The following ATP6V1C2 variants were observed in gnomAD, a reference collection of about 807,000 sequenced individuals.
ATP6V1C2 encodes ATPase H+ transporting V1 subunit C2.
In ATP6V1C2, 45 loss-of-function variants were observed where a neutral mutation model predicts 56.8. The ratio of observed to expected loss-of-function variants is 0.79; its 90% CI spans 0.62 to 1.02. ATP6V1C2 has a LOEUF of 1.02. ATP6V1C2 is among the 50% of genes least tolerant of loss of function. The pLI is 0.00. For missense variants in ATP6V1C2, 463 were observed against 519.7 expected, an observed-to-expected ratio of 0.89 and a Z score of 1.06; for synonymous variants, 220 against 201.3, an observed-to-expected ratio of 1.09 and a Z score of -0.79.
chr2:10,754,982 C>T (rs1373930616), intron 4 of ATP6V1C2, among the ~76,000 whole-genome samples: 1 of 152,002 alleles, frequency 6.6e-6, no homozygotes, highest in African/African-American at 2.4e-5. Flanking sequence ...GTCCTCCCAC[C>T]TCAGCCTCTC....
intron 12 of ATP6V1C2, among the ~76,000 whole-genome samples, chr2:10,779,160 A>C (rs1449021671): frequency 1.3e-5 from 2 of 151,548 alleles, no homozygotes. Context: ...GCTAGAGTGC[A>C]ATGGCATGTT....
chr2:10,775,131 T>C, intron 10 of ATP6V1C2, 60 bp downstream of exon 10: 3 of 1,259,436 alleles, frequency 2.4e-6, no homozygotes, highest in South Asian at 1.2e-5. Flanking sequence ...GATAGAAGAG[T>C]CCTCCCAGGT....
chr2:10,782,428 C>CA (rs1665422367), intron 13 of ATP6V1C2, 53 bp downstream of exon 13: 20 of 1,590,434 alleles, frequency 1.3e-5, no homozygotes, highest in Admixed American at 5.2e-5. Context: ...ATCTTACTTT[C>CA]AAAAAACTGG....
intron 2 of ATP6V1C2, 149 bp from the exon 3 acceptor site, chr2:10,726,351 TCC>T (rs1661640375): frequency 1.5e-6 from 1 of 662,668 alleles, no homozygotes; most frequent in African/African-American, 1.8e-5. Context: ...TCCACTGGTT[TCC>T]ATTAAGAGTT....
rs368420377 is a variant in ATP6V1C2 at position 10,777,953 on chromosome 2, CTGGCTGGAGG to C, written c.963+241_963+250del. Among the ~76,000 whole-genome samples, 1,056 of 146,636 alleles carry C rather than the reference CTGGCTGGAGG, an allele frequency of 7.2e-3. 16 individuals carry two copies. Among genetic ancestry groups the C allele is most frequent in the African/African-American group, 0.024 (991 of 41,288 alleles). The stretch of plus-strand genomic sequence containing the variant: ...GGCCAGGGCGCCTCTCCCCGGGCGC[CTGGCTGGAGG>C]TGGCTGGAGCTGGGACGGGCAGGGC... On this transcript the variant is annotated intron_variant, in intron 11 of 13. Transcript: ENST00000272238.
At chr2:10,777,023 G>A (rs1052853895) in intron 10 of ATP6V1C2, among the ~76,000 whole-genome samples, 1 of 152,204 alleles carries the variant, frequency 6.6e-6, no homozygotes, top group African/African-American at 2.4e-5. Context: ...TCAACCAGAG[G>A]GACAGACCAG....
chr2:10,768,953 T>C, intron 6 of ATP6V1C2, 143 bp downstream of exon 6: 1 of 672,828 alleles, frequency 1.5e-6, no homozygotes, highest in Non-Finnish European at 2.6e-6. Context: ...CACTCTCACC[T>C]CTCCAAGAGC....
intron 3 of ATP6V1C2, among the ~76,000 whole-genome samples, chr2:10,737,069 CT>C (rs1391190716): frequency 6.6e-6 from 1 of 151,520 alleles, no homozygotes; most frequent in Non-Finnish European, 1.5e-5. Flanking sequence ...TTTTTAAATT[CT>C]TTTATTTTTG....
chr2:10,756,035 T>C (rs1037421494), intron 4 of ATP6V1C2, among the ~76,000 whole-genome samples: 5 of 152,194 alleles, frequency 3.3e-5, no homozygotes, highest in Admixed American at 6.5e-5. Context: ...CTTACATGAT[T>C]CTATGCGTAT....
chr2:10,735,140 T>C (rs1662181514), intron 3 of ATP6V1C2, among the ~76,000 whole-genome samples: 1 of 152,216 alleles, frequency 6.6e-6, no homozygotes. Flanking sequence ...TTAAAGTTAA[T>C]TTAACCTGTT....
rs1247314085 is a variant in ATP6V1C2 at position 10,785,015 on chromosome 2, C to T, written c.*1752C>T. ...CTCCTACAGGTGCCGTGGAGCCACG[C>T]CCAAAAGAGAGCTCCCTTAGGGAAA... On this transcript the variant is annotated 3_prime_UTR_variant, in exon 14 of 14. Transcript: ENST00000272238. 1.3e-6 allele frequency: 2 copies of T among 1,579,806 alleles called. No individual in the cohort carries two copies. The highest frequency in any genetic ancestry group is 4.6e-5 in the East Asian group (2 of 43,424).
chr2:10,727,832 G>A (rs1264667360), intron 3 of ATP6V1C2, among the ~76,000 whole-genome samples: 1 of 151,764 alleles, frequency 6.6e-6, no homozygotes, highest in Non-Finnish European at 1.5e-5. Context: ...GGGGGAGGGG[G>A]GATGGGGGTT....
intron 5 of ATP6V1C2, among the ~76,000 whole-genome samples, chr2:10,765,876 G>A (rs1372307218): frequency 2.0e-5 from 3 of 152,286 alleles, no homozygotes; most frequent in Admixed American, 6.5e-5. Flanking sequence ...AGGGGCTGTC[G>A]GGAGACCTGG....
At chr2:10,741,884 C>G (rs1662569262) in intron 3 of ATP6V1C2, among the ~76,000 whole-genome samples, 1 of 100,066 alleles carries the variant, frequency 1.0e-5, no homozygotes, top group South Asian at 4.3e-4. Flanking sequence ...CCCTCCCTCC[C>G]TCCTTCCCTC....
intron 3 of ATP6V1C2, among the ~76,000 whole-genome samples, chr2:10,742,573 C>A (rs1304888268): frequency 2.6e-5 from 4 of 152,350 alleles, no homozygotes; most frequent in African/African-American, 7.2e-5. Flanking sequence ...CTGCTCCTCT[C>A]CCCATACCCC....
At chr2:10,778,275 C>T (rs1440042618) in intron 11 of ATP6V1C2, among the ~76,000 whole-genome samples, 11 of 152,214 alleles carry the variant, frequency 7.2e-5, no homozygotes, top group Admixed American at 7.2e-4. Flanking sequence ...CAGGCAGAAG[C>T]CCCTGGCTGC....
intron 3 of ATP6V1C2, chr2:10,744,170 G>A (rs1006417499): frequency 2.6e-5 from 4 of 151,994 alleles, no homozygotes; most frequent in Non-Finnish European, 4.4e-5. Context: ...GACAGAGTGC[G>A]ACCCTGTCTC....
chr2:10,736,206 G>A (rs1426388090), intron 3 of ATP6V1C2, among the ~76,000 whole-genome samples: 5 of 152,252 alleles, frequency 3.3e-5, no homozygotes, highest in African/African-American at 1.2e-4. Flanking sequence ...CTGCCACTGT[G>A]CTTTGAGGAT....
intron 3 of ATP6V1C2, among the ~76,000 whole-genome samples, chr2:10,741,960 G>C (rs1415392492): frequency 6.7e-6 from 1 of 149,968 alleles, no homozygotes; most frequent in East Asian, 2.0e-4. Context: ...GCTTAGGCTG[G>C]AGTGCAATGG....
Sources: gnomAD v4.1 joint callset for allele counts (sites outside exome capture counted in the v4.1 genomes callset) on GRCh38, gnomAD v4.1.1 for gene constraint, MANE v1.5 for transcripts, NCBI Gene and HGNC (gene_info 2026-07-23, HGNC 2026-07-21) for gene names.